The following RBFOX1 variants were observed in gnomAD, a reference collection of about 807,000 sequenced individuals.
RBFOX1 encodes RNA binding protein fox-1 homolog 1.
In RBFOX1, 8 loss-of-function variants were observed where a neutral mutation model predicts 57.7. The ratio of observed to expected loss-of-function variants is 0.14; its 90% CI spans 0.08 to 0.25. The LOEUF is 0.25. Among genes scored for constraint, RBFOX1 ranks in the 10% least tolerant of loss-of-function variants. The pLI, the probability that RBFOX1 is intolerant of heterozygous loss-of-function variation, is 1.00. For synonymous variants in RBFOX1, 326 were observed against 222.4 expected (o/e 1.47, Z -4.15); for missense variants, 611 against 548.5 (o/e 1.11, Z -1.14).
At chr16:6,306,182 C>G (rs1641045029) in intron 1 of RBFOX1, among the ~76,000 whole-genome samples, 2 of 152,104 alleles carry the variant, frequency 1.3e-5, no homozygotes, top group Non-Finnish European at 2.9e-5. Context: ...CTTATGTTTT[C>G]CTGTATAGTT....
At chr16:5,829,744 C>T (rs921641424) in intron 3 of RBFOX1, among the ~76,000 whole-genome samples, 1 of 152,110 alleles carries the variant, frequency 6.6e-6, no homozygotes, top group African/African-American at 2.4e-5. Flanking sequence ...TTGTTATTTC[C>T]ACTCATTTGA....
chr16:7,190,232 A>ATG (rs2152617530), intron 4 of RBFOX1, among the ~76,000 whole-genome samples: 1 of 152,152 alleles, frequency 6.6e-6, no homozygotes, highest in African/African-American at 2.4e-5. Flanking sequence ...ATGGTGGCAC[A>ATG]CCTGTAATCC....
At chr16:7,518,801 T>C (rs1375541660) in intron 5 of RBFOX1, among the ~76,000 whole-genome samples, 1 of 151,410 alleles carries the variant, frequency 6.6e-6, no homozygotes, top group Non-Finnish European at 1.5e-5. Flanking sequence ...GATGGGAGAG[T>C]CGTTTGAAGA....
intron 1 of RBFOX1, among the ~76,000 whole-genome samples, chr16:6,229,704 G>C (rs996830027): frequency 1.4e-5 from 2 of 138,182 alleles, no homozygotes; most frequent in African/African-American, 5.1e-5. Context: ...GATTTTCAAG[G>C]CTTAAAAAAA....
At chr16:5,875,227 G>A (rs2057574262) in intron 4 of RBFOX1, among the ~76,000 whole-genome samples, 1 of 152,166 alleles carries the variant, frequency 6.6e-6, no homozygotes, top group Non-Finnish European at 1.5e-5. Flanking sequence ...AACTGTGAAT[G>A]CCTCCATGTT....
chr16:6,061,061 A>AG (rs1567358162), intron 1 of RBFOX1, among the ~76,000 whole-genome samples: 1 of 152,108 alleles, frequency 6.6e-6, no homozygotes. Context: ...CGACCCATGC[A>AG]TTCATTTACA....
chr16:6,971,752 G>A (rs952537083), intron 3 of RBFOX1, among the ~76,000 whole-genome samples: 2 of 152,042 alleles, frequency 1.3e-5, no homozygotes, highest in Non-Finnish European at 2.9e-5. Flanking sequence ...ACATCGTGGA[G>A]ATGTCACTTA....
chr16:5,447,610 C>CTGA (rs1320549844), intron 1 of RBFOX1, among the ~76,000 whole-genome samples: 1 of 152,164 alleles, frequency 6.6e-6, no homozygotes, highest in Admixed American at 6.5e-5. Context: ...GTTGGCCAGG[C>CTGA]TGATGTCAAA....
intron 1 of RBFOX1, among the ~76,000 whole-genome samples, chr16:6,159,842 C>G (rs546359853): frequency 1.3e-5 from 2 of 152,186 alleles, no homozygotes; most frequent in East Asian, 3.9e-4. Context: ...CATTGCTTTT[C>G]CAAAGTGCCA....
At chr16:5,598,799 T>A in intron 2 of RBFOX1, 1 of 852,486 alleles carries the variant, frequency 1.2e-6, no homozygotes, top group Non-Finnish European at 1.8e-6. Context: ...CTAAACGTGG[T>A]GAGACATTCT....
At chr16:6,553,487 C>T (rs937526476) in intron 2 of RBFOX1, among the ~76,000 whole-genome samples, 2 of 152,090 alleles carry the variant, frequency 1.3e-5, no homozygotes, top group Admixed American at 6.5e-5. Flanking sequence ...GAAATTGATG[C>T]CACCTACACC....
At position 6,875,865 on chromosome 16, in the gene RBFOX1, G is replaced by T. The variant is rs143540841; in HGVS notation, c.-15-176192G>T. ...ACAAAAAAATTAGCCAGTCATGGTG[G>T]TCCATGCGTGGAATCCAGGCTACTT... On this transcript the variant is annotated intron_variant, in intron 3 of 15. Transcript: ENST00000550418. Among the ~76,000 whole-genome samples, 35 of 152,232 alleles carry T rather than the reference G, an allele frequency of 2.3e-4. No homozygotes were observed. The East Asian group carries it at 6.4e-3, about 28-fold the overall frequency.
At chr16:5,752,872 A>G (rs369678986) in intron 3 of RBFOX1, among the ~76,000 whole-genome samples, 1 of 152,236 alleles carries the variant, frequency 6.6e-6, no homozygotes, top group East Asian at 1.9e-4. Flanking sequence ...AAATTCACCC[A>G]GAACATTGTA....
intron 2 of RBFOX1, among the ~76,000 whole-genome samples, chr16:6,620,272 G>A (rs959838252): frequency 6.6e-6 from 1 of 152,172 alleles, no homozygotes; most frequent in African/African-American, 2.4e-5. Context: ...AATTAAGGCA[G>A]AAATCAAGAA....
At chr16:7,584,633 A>C (rs1176605604) in intron 6 of RBFOX1, among the ~76,000 whole-genome samples, 1 of 152,164 alleles carries the variant, frequency 6.6e-6, no homozygotes, top group Non-Finnish European at 1.5e-5. Flanking sequence ...CTTTGTGTGG[A>C]TTTGAGGCGT....
chr16:6,548,957 C>T (rs2096932825), intron 2 of RBFOX1, among the ~76,000 whole-genome samples: 1 of 150,804 alleles, frequency 6.6e-6, no homozygotes, highest in East Asian at 2.0e-4. Flanking sequence ...CGCCTGTAAT[C>T]CCAGGTACTC....
intron 14 of RBFOX1, among the ~76,000 whole-genome samples, chr16:7,698,183 G>GGTGTGTGTGTGTGTGT (rs59239865): frequency 1.4e-4 from 19 of 136,116 alleles, no homozygotes; most frequent in Admixed American, 9.5e-4. Context: ...AGTCCAAGAG[G>GGTGTGTGTGTGTGTGT]GTGTGTGTGT....
At chr16:6,562,611 A>G (rs949276956) in intron 2 of RBFOX1, among the ~76,000 whole-genome samples, 14 of 152,230 alleles carry the variant, frequency 9.2e-5, no homozygotes, top group Admixed American at 7.2e-4. Context: ...AAGTTTCTAA[A>G]CATCTTGCAT....
chr16:7,685,489 C>A (rs765835729), intron 14 of RBFOX1, among the ~76,000 whole-genome samples: 2 of 152,094 alleles, frequency 1.3e-5, no homozygotes, highest in Non-Finnish European at 2.9e-5. Flanking sequence ...AAAGTTCCAT[C>A]TGATTTCACT....
Sources: allele counts gnomAD v4.1 joint callset (sites outside exome capture counted in the v4.1 genomes callset), GRCh38; gene constraint gnomAD v4.1.1; transcripts MANE v1.5; gene names NCBI Gene and HGNC (gene_info 2026-07-23, HGNC 2026-07-21).